The following EXT1 variants were observed in gnomAD, a reference collection of about 807,000 sequenced individuals.
The protein encoded by EXT1 is exostosin-1.
Under a neutral mutation model 82.5 loss-of-function variants are expected in EXT1, and 20 were observed. The observed-to-expected ratio is 0.24, with a 90% CI of 0.17 to 0.35. The LOEUF is 0.35. Among genes scored for constraint, EXT1 ranks in the 10% least tolerant of loss-of-function variants. The probability of loss-of-function intolerance (pLI) is 1.00; values close to 1 mark genes in which losing one functional copy is unlikely to be tolerated. For missense variants in EXT1, 757 were observed against 936.5 expected (o/e 0.81, Z 2.50); for synonymous variants, 348 against 350.8 (o/e 0.99, Z 0.09).
chr8:118,005,591 T>C (rs1041520883), intron 1 of EXT1, among the ~76,000 whole-genome samples: 4 of 152,208 alleles, frequency 2.6e-5, no homozygotes, highest in African/African-American at 9.6e-5. Flanking sequence ...AAGGGTTACA[T>C]AAACTAATGA....
At chr8:118,023,021 T>A (rs1450442628) in intron 1 of EXT1, among the ~76,000 whole-genome samples, 1 of 152,206 alleles carries the variant, frequency 6.6e-6, no homozygotes, top group Non-Finnish European at 1.5e-5. Flanking sequence ...GTAGCTTCTG[T>A]CTGGTGTCAT....
chr8:117,991,853 C>T (rs1219190833), intron 1 of EXT1, among the ~76,000 whole-genome samples: 1 of 152,198 alleles, frequency 6.6e-6, no homozygotes, highest in Non-Finnish European at 1.5e-5. Flanking sequence ...TGAGCCACCA[C>T]ACCTAGCCTC....
At chr8:118,107,962 C>G (rs149480525) in intron 1 of EXT1, among the ~76,000 whole-genome samples, 2 of 152,186 alleles carry the variant, frequency 1.3e-5, no homozygotes, top group Non-Finnish European at 2.9e-5. Context: ...TGCTTTTCTA[C>G]GAAATGCCAC....
chr8:118,062,458 G>A (rs377242097), intron 1 of EXT1, among the ~76,000 whole-genome samples: 164 of 152,294 alleles, frequency 1.1e-3, no homozygotes, highest in South Asian at 2.1e-3. Context: ...CCAGCCTTAC[G>A]TGGACACTAT....
chr8:117,939,046 T>C (rs1243847340), intron 1 of EXT1, among the ~76,000 whole-genome samples: 1 of 151,016 alleles, frequency 6.6e-6, no homozygotes, highest in Non-Finnish European at 1.5e-5. Flanking sequence ...TTCAAGCTGT[T>C]TTTTTTTCCC....
intron 1 of EXT1, among the ~76,000 whole-genome samples, chr8:118,026,027 G>GTGTA (rs1816195758): frequency 6.6e-6 from 1 of 152,190 alleles, no homozygotes; most frequent in Non-Finnish European, 1.5e-5. Flanking sequence ...TGGGAAAAGA[G>GTGTA]TGTACTCTAT....
At position 118,045,877 on chromosome 8, in the gene EXT1, C is replaced by T. The variant is rs113213946; in HGVS notation, c.962+64208G>A. 9.7e-3 allele frequency among the ~76,000 whole-genome samples: 1,480 copies of T among 151,976 alleles called. 22 individuals carry two copies. Among genetic ancestry groups the T allele is most frequent in the African/African-American group, 0.033 (1,367 of 41,450 alleles). On this transcript the variant is annotated intron_variant, in intron 1 of 10. Transcript: ENST00000378204. ...GTGGCATGATCTCAGCTCACTGCAACCTTCAACTCCCAGGTTGAAGCGATT... is the reference window on the plus strand; with the variant it reads ...GTGGCATGATCTCAGCTCACTGCAATCTTCAACTCCCAGGTTGAAGCGATT...
rs747386364 is a variant in EXT1 at position 117,973,886 on chromosome 8, G to GAAAGGAAAGGAAAGGAAAGA, written c.962+136198_962+136199insTCTTTCCTTTCCTTTCCTTT. ...GAAAGGAAAGGAAAGGAAAGGAAAG[G>GAAAGGAAAGGAAAGGAAAGA]AAGGAAAGGAAAGAAAAGGAAAGGA... On this transcript the variant is annotated intron_variant, in intron 1 of 10. Transcript: ENST00000378204. Among the ~76,000 whole-genome samples the GAAAGGAAAGGAAAGGAAAGA allele has an allele frequency of 9.8e-3, 659 of 67,364 alleles. 140 individuals carry two copies. The highest frequency in any genetic ancestry group is 0.015 in the African/African-American group (243 of 16,698). 44.2% of individuals were successfully genotyped at this position (67,364 alleles called of 152,430 possible). A position where few individuals can be genotyped will look rare whatever the true frequency, so the allele number is the denominator to read the frequency against.
intron 1 of EXT1, among the ~76,000 whole-genome samples, chr8:118,013,979 A>G (rs1237059659): frequency 6.6e-6 from 1 of 152,214 alleles, no homozygotes; most frequent in African/African-American, 2.4e-5. Flanking sequence ...TACAAGCTCA[A>G]TGTGTAATCC....
intron 1 of EXT1, among the ~76,000 whole-genome samples, chr8:118,026,325 T>C (rs567267548): frequency 6.6e-6 from 1 of 152,248 alleles, no homozygotes; most frequent in Non-Finnish European, 1.5e-5. Context: ...GCTCAGGTTA[T>C]TATTTTTTAT....
At chr8:117,927,998 T>C (rs747071307) in intron 1 of EXT1, among the ~76,000 whole-genome samples, 3 of 152,236 alleles carry the variant, frequency 2.0e-5, no homozygotes, top group Non-Finnish European at 4.4e-5. Context: ...GAATAGTGAA[T>C]GTTATTTGTC....
chr8:118,027,354 C>T (rs1238519846), intron 1 of EXT1, among the ~76,000 whole-genome samples: 2 of 137,244 alleles, frequency 1.5e-5, no homozygotes, highest in Admixed American at 7.4e-5. Flanking sequence ...CACACACACA[C>T]AATCGCATTT....
At chr8:118,102,829 C>CT (rs67827905) in intron 1 of EXT1, among the ~76,000 whole-genome samples, 2 of 150,502 alleles carry the variant, frequency 1.3e-5, no homozygotes, top group African/African-American at 4.9e-5. Flanking sequence ...GCTATGCATA[C>CT]TTTTTTTTTT....
At chr8:118,082,500 C>T (rs1817350573) in intron 1 of EXT1, among the ~76,000 whole-genome samples, 1 of 151,900 alleles carries the variant, frequency 6.6e-6, no homozygotes, top group African/African-American at 2.4e-5. Context: ...CTGTTCTTTC[C>T]CCATCATACT....
chr8:118,070,224 TTCTGTGTGTGTGTG>T (rs1457192381), intron 1 of EXT1, among the ~76,000 whole-genome samples: 77 of 121,598 alleles, frequency 6.3e-4, no homozygotes, highest in Middle Eastern at 4.1e-3. Context: ...CATCATAAAT[TTCTGTGTGTGTGTG>T]TGTGTGTGTG....
chr8:118,038,465 C>T (rs1166565002), intron 1 of EXT1, among the ~76,000 whole-genome samples: 1 of 152,190 alleles, frequency 6.6e-6, no homozygotes, highest in Non-Finnish European at 1.5e-5. Context: ...CATGGTCCCC[C>T]AGACCTCCTC....
intron 1 of EXT1, among the ~76,000 whole-genome samples, chr8:117,865,371 A>G (rs1428031483): frequency 6.6e-6 from 1 of 152,150 alleles, no homozygotes; most frequent in Non-Finnish European, 1.5e-5. Context: ...AGGTATCACT[A>G]TGTTGCCCAG....
Position 118,039,163 on chromosome 8 carries a change from C to T in EXT1, c.962+70922G>A, listed in dbSNP as rs11562765. The stretch of plus-strand genomic sequence containing the variant: ...ACCTCAACAGGTTTTGTGCCATCAT[C>T]TAATTCTGAACAGTGGAAGTATACT... On this transcript the variant is annotated intron_variant, in intron 1 of 10. Coordinates refer to ENST00000378204, the MANE Select transcript of EXT1 (RefSeq NM_000127.3). Among the ~76,000 whole-genome samples the T allele has an allele frequency of 1.9e-3, 290 of 152,352 alleles. 2 individuals are homozygous for T. The highest frequency in any genetic ancestry group is 6.8e-3 in the African/African-American group (283 of 41,584).
chr8:117,854,553 G>GT (rs747905992), intron 1 of EXT1, among the ~76,000 whole-genome samples: 4 of 152,106 alleles, frequency 2.6e-5, no homozygotes, highest in Non-Finnish European at 1.5e-5. Context: ...AAAGCTGCTG[G>GT]TAAGTGTTAA....
Sources: gnomAD v4.1 joint callset for allele counts (sites outside exome capture counted in the v4.1 genomes callset) on GRCh38, gnomAD v4.1.1 for gene constraint, MANE v1.5 for transcripts, NCBI Gene and HGNC (gene_info 2026-07-23, HGNC 2026-07-21) for gene names.